KCTD1: variants seen among roughly 807,000 people sequenced by gnomAD.
KCTD1 encodes BTB/POZ domain-containing protein KCTD1.
Under a neutral mutation model 66.0 loss-of-function variants are expected in KCTD1, and 24 were observed. That is an observed-to-expected ratio of 0.36 (90% CI 0.26 to 0.51). The LOEUF (loss-of-function observed/expected upper bound fraction) is 0.51, where lower values mean the gene tolerates loss of function less well. KCTD1 is among the 20% of genes least tolerant of loss of function. The probability of loss-of-function intolerance (pLI) is 0.95; values close to 1 mark genes in which losing one functional copy is unlikely to be tolerated. For missense variants in KCTD1, 943 were observed against 1,205.2 expected (o/e 0.78, Z 3.22); for synonymous variants, 511 against 517.2 (o/e 0.99, Z 0.16).
At chr18:26,600,045 C>T in intron 1 of KCTD1, 1 of 1,611,230 alleles carries the variant, frequency 6.2e-7, no homozygotes, top group South Asian at 1.1e-5. Context: ...ATCTCATTGA[C>T]TCAGATGAGC....
intron 1 of KCTD1, among the ~76,000 whole-genome samples, chr18:26,529,141 T>C (rs1367204739): frequency 6.6e-6 from 1 of 152,144 alleles, no homozygotes; most frequent in Non-Finnish European, 1.5e-5. Context: ...TGCAGTGGCC[T>C]CTGTTTCCAC....
chr18:26,613,236 G>C (rs988397525), intron 1 of KCTD1, among the ~76,000 whole-genome samples: 4 of 152,108 alleles, frequency 2.6e-5, no homozygotes, highest in Non-Finnish European at 5.9e-5. Context: ...TACTTTTAGT[G>C]TGTGAAAAAT....
At chr18:26,549,535 T>C, upstream of KCTD1, 1 of 875,292 alleles carries the variant, frequency 1.1e-6, no homozygotes. Flanking sequence ...ACAGGGACCC[T>C]TCCCCACCCG....
chr18:26,585,715 C>T (rs1044878942), intron 1 of KCTD1, among the ~76,000 whole-genome samples: 1 of 152,144 alleles, frequency 6.6e-6, no homozygotes, highest in Non-Finnish European at 1.5e-5. Context: ...CTGTGTGACA[C>T]ATCTAATTTT....
chr18:26,521,074 G>T (rs75716579), intron 1 of KCTD1, among the ~76,000 whole-genome samples: 4,529 of 152,324 alleles, frequency 0.03, 85 homozygotes, highest in Middle Eastern at 0.048. Context: ...AGGCAAAGCT[G>T]CTGGGGGAGT....
At chr18:26,556,937 C>T (rs1171912303) in intron 1 of KCTD1, among the ~76,000 whole-genome samples, 1 of 152,104 alleles carries the variant, frequency 6.6e-6, no homozygotes, top group African/African-American at 2.4e-5. Flanking sequence ...GTACTACATA[C>T]AATATTTGAA....
At chr18:26,643,543 T>C (rs1366948374), upstream of KCTD1, among the ~76,000 whole-genome samples, 5 of 152,178 alleles carry the variant, frequency 3.3e-5, no homozygotes, top group African/African-American at 1.2e-4. Flanking sequence ...GACATCTCAA[T>C]AAGTCAGGAG....
chr18:26,588,277 G>T (rs1986514278), intron 1 of KCTD1, among the ~76,000 whole-genome samples: 1 of 134,070 alleles, frequency 7.5e-6, no homozygotes, highest in Non-Finnish European at 1.6e-5. Flanking sequence ...TCTGTAGAAA[G>T]AAAAGAAAGA....
At chr18:26,458,077 T>A (rs1453232829) in intron 4 of KCTD1, 1 of 152,328 alleles carries the variant, frequency 6.6e-6, no homozygotes, top group Non-Finnish European at 1.5e-5. Flanking sequence ...GCTGAGGCCG[T>A]CTCAGGAACG....
intron 1 of KCTD1, among the ~76,000 whole-genome samples, chr18:26,612,281 AG>A (rs1338322345): frequency 2.0e-5 from 3 of 151,936 alleles, no homozygotes; most frequent in African/African-American, 7.3e-5. Context: ...TCTTCAACTC[AG>A]GGAGTCCACC....
intron 1 of KCTD1, among the ~76,000 whole-genome samples, chr18:26,570,184 T>TA (rs10648043): frequency 0.068 from 8,179 of 120,848 alleles, 338 homozygotes; most frequent in East Asian, 0.2. Context: ...AGACTCCATC[T>TA]AAAAAAAATA....
upstream of KCTD1, among the ~76,000 whole-genome samples, chr18:26,631,373 C>A (rs750883869): frequency 2.0e-5 from 3 of 152,148 alleles, no homozygotes; most frequent in Non-Finnish European, 4.4e-5. Flanking sequence ...TATGGTATAG[C>A]CTATTGCTCC....
At chr18:26,608,576 G>T (rs1472832599) in intron 1 of KCTD1, among the ~76,000 whole-genome samples, 1 of 152,324 alleles carries the variant, frequency 6.6e-6, no homozygotes, top group South Asian at 2.1e-4. Flanking sequence ...ATGGGGCAGG[G>T]TCGGTGGGCT....
chr18:26,551,061 A>C, upstream of KCTD1, among the ~76,000 whole-genome samples: 2 of 151,476 alleles, frequency 1.3e-5, no homozygotes, highest in Admixed American at 6.6e-5. Context: ...AGGTCTCCCC[A>C]CCTCTGCGGG....
intron 1 of KCTD1, among the ~76,000 whole-genome samples, chr18:26,589,961 G>T (rs1986559993): frequency 6.6e-6 from 1 of 152,196 alleles, no homozygotes; most frequent in African/African-American, 2.4e-5. Flanking sequence ...TGAGCACAAG[G>T]GGAGTCGATC....
upstream of KCTD1, among the ~76,000 whole-genome samples, chr18:26,644,030 C>T (rs766550151): frequency 5.9e-5 from 9 of 152,098 alleles, no homozygotes; most frequent in Non-Finnish European, 1.0e-4. Flanking sequence ...TACACATCAC[C>T]TCTTTATGGA....
At chr18:26,597,575 A>G (rs900080553) in intron 1 of KCTD1, among the ~76,000 whole-genome samples, 7 of 152,092 alleles carry the variant, frequency 4.6e-5, no homozygotes, top group Non-Finnish European at 1.0e-4. Context: ...ATGTACATAC[A>G]TGCTTCCTAA....
chr18:26,530,437 G>A (rs188932155), intron 1 of KCTD1, among the ~76,000 whole-genome samples: 28 of 152,256 alleles, frequency 1.8e-4, no homozygotes, highest in African/African-American at 6.0e-4. Flanking sequence ...ATATAGACCC[G>A]AAACACGGAA....
intron 1 of KCTD1, among the ~76,000 whole-genome samples, chr18:26,539,416 G>C (rs1051681939): frequency 1.3e-5 from 2 of 152,192 alleles, no homozygotes; most frequent in African/African-American, 4.8e-5. Flanking sequence ...AGAGTGGCGG[G>C]ATTTTTGCAT....
Sources: gnomAD v4.1 joint callset for allele counts (sites outside exome capture counted in the v4.1 genomes callset) on GRCh38, gnomAD v4.1.1 for gene constraint, MANE v1.5 for transcripts, NCBI Gene and HGNC (gene_info 2026-07-23, HGNC 2026-07-21) for gene names.